TENM3: variants seen among roughly 807,000 people sequenced by gnomAD.
The protein encoded by TENM3 is teneurin-3.
Under a neutral mutation model 255.1 loss-of-function variants are expected in TENM3, and 63 were observed. That is an observed-to-expected ratio of 0.25 (90% CI 0.20 to 0.30). The LOEUF (loss-of-function observed/expected upper bound fraction) is 0.30, where lower values mean the gene tolerates loss of function less well. TENM3 is among the 10% of genes least tolerant of loss of function. The pLI is 1.00. For missense variants in TENM3, 2,929 were observed against 3,461.1 expected, an observed-to-expected ratio of 0.85 and a Z score of 3.86; for synonymous variants, 1,306 against 1,322.3, an observed-to-expected ratio of 0.99 and a Z score of 0.27.
the TENM3 span, chr4:181,522,665 G>T: frequency 2.0e-4 from 125 of 616,840 alleles, no homozygotes; most frequent in African/African-American, 2.2e-3. Context: ...GAACCAAAAT[G>T]CAGAATGATG....
chr4:182,561,765 T>TTTA (rs1449194191), intron 3 of TENM3, among the ~76,000 whole-genome samples: 1 of 152,080 alleles, frequency 6.6e-6, no homozygotes, highest in East Asian at 1.9e-4. Context: ...ACAACCTAAA[T>TTTA]GCCCATCAAA....
rs571459924 is a variant in TENM3 at position 182,633,004 on chromosome 4, A to AAGTGATC, written c.988+4115_988+4116insAGTGATC. On this transcript the variant is annotated intron_variant, in intron 5 of 27. Transcript: ENST00000511685. ...GAGTGCAACGACGCAGTCACAGCTC[A>AAGTGATC]CTGCAGCCTCTGCCTCCTGGGCTCA... is the stretch of plus-strand genomic sequence containing the variant. Among the ~76,000 whole-genome samples the AAGTGATC allele has an allele frequency of 7.2e-5, 11 of 152,260 alleles. No individual in the cohort carries two copies. In the East Asian group the frequency reaches 2.1e-3, roughly 29 times the overall value.
rs1280736473 is a variant in TENM3 at position 182,309,061 on chromosome 4, A to G, written c.-75-14885A>G. ...CACAGCAAGCTCAGAGACTTTCCTC[A>G]GTTCTTGGGACGAATCAGACACTCA... On this transcript the variant is annotated intron_variant, in intron 1 of 27. Coordinates refer to ENST00000511685, the MANE Select transcript of TENM3 (RefSeq NM_001080477.4). Among the ~76,000 whole-genome samples the G allele has an allele frequency of 2.6e-5, 4 of 152,256 alleles. No homozygotes were observed. The East Asian group carries it at 7.7e-4, about 29-fold the overall frequency.
chr4:182,363,629 G>A (rs1045279051), intron 3 of TENM3, among the ~76,000 whole-genome samples: 3 of 151,972 alleles, frequency 2.0e-5, no homozygotes, highest in Admixed American at 1.3e-4. Flanking sequence ...TAAAGAATAT[G>A]TATACAAAAG....
the TENM3 span, among the ~76,000 whole-genome samples, chr4:182,064,912 C>A: frequency 6.6e-6 from 1 of 152,158 alleles, no homozygotes; most frequent in East Asian, 1.9e-4. Flanking sequence ...GTGTAACAGT[C>A]ACTGCAGAAA....
the TENM3 span, among the ~76,000 whole-genome samples, chr4:182,014,492 C>A: frequency 1.3e-5 from 2 of 151,996 alleles, no homozygotes; most frequent in African/African-American, 4.8e-5. Context: ...AGCGCATTTC[C>A]TCTAGAATGT....
At chr4:181,593,233 A>G in the TENM3 span, among the ~76,000 whole-genome samples, 1 of 152,182 alleles carries the variant, frequency 6.6e-6, no homozygotes, top group Non-Finnish European at 1.5e-5. Context: ...GTTTGGAGGC[A>G]TTTCTATTTT....
chr4:181,940,763 G>T, the TENM3 span, among the ~76,000 whole-genome samples: 1 of 152,320 alleles, frequency 6.6e-6, no homozygotes, highest in East Asian at 1.9e-4. Context: ...GCAGAGGAGT[G>T]ACATGGCATA....
At chr4:182,678,379 T>A (rs1755822905) in intron 7 of TENM3, among the ~76,000 whole-genome samples, 1 of 152,252 alleles carries the variant, frequency 6.6e-6, no homozygotes, top group African/African-American at 2.4e-5. Context: ...GCACGTTTAC[T>A]GTTACTGCCA....
At chr4:181,971,949 G>A in the TENM3 span, among the ~76,000 whole-genome samples, 237 of 152,000 alleles carry the variant, frequency 1.6e-3, 5 homozygotes, top group East Asian at 0.038. Flanking sequence ...AATAATATCG[G>A]CAACGTCTCT....
the TENM3 span, among the ~76,000 whole-genome samples, chr4:181,855,986 A>G: frequency 1.4e-5 from 2 of 144,786 alleles, no homozygotes; most frequent in Admixed American, 1.4e-4. Context: ...GAGGGAGGAA[A>G]GAAGGAGGGA....
chr4:182,642,111 A>T (rs953788456), intron 5 of TENM3, among the ~76,000 whole-genome samples: 7 of 152,222 alleles, frequency 4.6e-5, no homozygotes, highest in Non-Finnish European at 8.8e-5. Flanking sequence ...GACAAGTATT[A>T]TCTCAAAAAT....
chr4:181,804,455 AAT>A, the TENM3 span, among the ~76,000 whole-genome samples: 1 of 152,190 alleles, frequency 6.6e-6, no homozygotes, highest in South Asian at 2.1e-4. Context: ...AAATGTGATA[AAT>A]ATATGTGTCG....
intron 3 of TENM3, among the ~76,000 whole-genome samples, chr4:182,347,141 C>G (rs1023465892): frequency 1.3e-5 from 2 of 151,672 alleles, no homozygotes; most frequent in Non-Finnish European, 2.9e-5. Flanking sequence ...CAATATTTGA[C>G]ATCAGATTGT....
At chr4:181,465,624 T>G in the TENM3 span, among the ~76,000 whole-genome samples, 1 of 152,248 alleles carries the variant, frequency 6.6e-6, no homozygotes, top group Non-Finnish European at 1.5e-5. Flanking sequence ...AGAACTTTTA[T>G]GCTTTAAAAA....
chr4:181,994,885 T>C, the TENM3 span, among the ~76,000 whole-genome samples: 71 of 152,320 alleles, frequency 4.7e-4, no homozygotes, highest in Admixed American at 4.1e-3. Context: ...AATTTGAATA[T>C]AACAATTTCT....
At chr4:182,359,918 G>C (rs892226772) in intron 3 of TENM3, among the ~76,000 whole-genome samples, 3 of 150,206 alleles carry the variant, frequency 2.0e-5, no homozygotes, top group African/African-American at 7.3e-5. Context: ...CTGGTATGTT[G>C]TGTCTTTGTT....
intron 1 of TENM3, among the ~76,000 whole-genome samples, chr4:182,191,888 A>C (rs573494078): frequency 6.6e-4 from 100 of 152,258 alleles, no homozygotes; most frequent in African/African-American, 1.9e-3. Context: ...CCAGTTGGTT[A>C]CTGTTTTAAT....
the TENM3 span, among the ~76,000 whole-genome samples, chr4:181,685,850 T>A: frequency 6.6e-6 from 1 of 152,212 alleles, no homozygotes; most frequent in Non-Finnish European, 1.5e-5. Context: ...GAAACCCCTA[T>A]ATGAAATCCC....
Sources: gnomAD v4.1 joint callset for allele counts (sites outside exome capture counted in the v4.1 genomes callset) on GRCh38, gnomAD v4.1.1 for gene constraint, MANE v1.5 for transcripts, NCBI Gene and HGNC (gene_info 2026-07-23, HGNC 2026-07-21) for gene names.